Variants in ADGRE1 observed in about 807,000 individuals in gnomAD.
ADGRE1 encodes adhesion G protein-coupled receptor E1, also known as EGF-like module receptor 1.
Under a neutral mutation model 102.7 loss-of-function variants are expected in ADGRE1, and 82 were observed. The observed-to-expected ratio is 0.80, with a 90% CI of 0.67 to 0.96. The LOEUF (loss-of-function observed/expected upper bound fraction) is 0.96, where lower values mean the gene tolerates loss of function less well. Among genes scored for constraint, ADGRE1 ranks in the 40% least tolerant of loss-of-function variants. The pLI, the probability that ADGRE1 is intolerant of heterozygous loss-of-function variation, is 0.00. For synonymous variants in ADGRE1, 398 were observed against 399.6 expected (o/e 1.00, Z 0.05); for missense variants, 1,032 against 1,085.3 (o/e 0.95, Z 0.69).
At chr19:6,897,071 C>CTT (rs11397719) in intron 3 of ADGRE1, 78 bp from the exon 4 acceptor site, 44,263 of 769,194 alleles carry the variant, frequency 0.058, 1,861 homozygotes, top group African/African-American at 0.25. Flanking sequence ...ATTGTTTTAA[C>CTT]TTTTTTTTTT....
At chr19:6,918,037 A>C (rs532002181) in intron 12 of ADGRE1, among the ~76,000 whole-genome samples, 1 of 152,282 alleles carries the variant, frequency 6.6e-6, no homozygotes, top group South Asian at 2.1e-4. Flanking sequence ...GACAGGTTCA[A>C]GGCACATTAA....
At chr19:6,896,605 G>T (rs917982723) in intron 3 of ADGRE1, 64 bp downstream of exon 3, 1 of 1,566,142 alleles carries the variant, frequency 6.4e-7, no homozygotes, top group Non-Finnish European at 8.7e-7. Flanking sequence ...AGCTGGCTGG[G>T]TATTGAATGT....
intron 16 of ADGRE1, among the ~76,000 whole-genome samples, chr19:6,927,443 C>T (rs1974969841): frequency 1.3e-5 from 2 of 152,024 alleles, no homozygotes; most frequent in Admixed American, 6.6e-5. Context: ...CCCAAATTCT[C>T]ATGAAACTCA....
chr19:6,887,627 C>A lies in ADGRE1; in HGVS notation c.19C>A (p.Leu7Ile), dbSNP rs749522542. Reference sequence around the variant, plus strand: ...CAGCATAATGCGTGGCTTCAACCTGCTCCTCTTCTGGGGTGAGTGTGAGGC... The same window carrying A: ...CAGCATAATGCGTGGCTTCAACCTGATCCTCTTCTGGGGTGAGTGTGAGGC... The part of the protein sequence containing the change: MRGFNL[L>I]LFWGCCVMHS... Residue 7 changes from leucine (L) to isoleucine (I), a missense_variant, in exon 1 of 21, where the codon CTC becomes ATC. Coordinates refer to ENST00000312053, the MANE Select transcript of ADGRE1 (RefSeq NM_001974.5). 2 of 1,612,614 alleles carry A rather than the reference C, an allele frequency of 1.2e-6. No individual in the cohort carries two copies. Among genetic ancestry groups the A allele is most frequent in the Non-Finnish European group, 1.7e-6 (2 of 1,179,450 alleles).
In ADGRE1 at chr19:6,897,184, G is replaced by A. The variant is rs112217832; in HGVS notation, c.274G>A (p.Gly92Ser). The A allele has an allele frequency of 1.7e-5, 27 of 1,610,976 alleles. No individual in the cohort carries two copies. The highest frequency in any genetic ancestry group is 2.2e-5 in the Non-Finnish European group (26 of 1,179,566). The change falls in exon 4 of 21, where the codon GGT becomes AGT. Residue 92 changes from glycine to serine, a missense_variant. Gly to Ser is a moderately conservative substitution (Grantham distance 56, BLOSUM62 0). Transcript: ENST00000312053. Reference protein sequence around the residue: ...DECSQSPQPCGPNSSCKNLSG... With the variant: ...DECSQSPQPCSPNSSCKNLSG... ...ATGTTCTCAAAGCCCCCAGCCCTGT[G>A]GTCCTAACTCATCCTGCAAAAACCT...
chr19:6,899,555 C>T (rs145503965), intron 5 of ADGRE1, among the ~76,000 whole-genome samples: 3,010 of 152,054 alleles, frequency 0.02, 101 homozygotes, highest in African/African-American at 0.064. Flanking sequence ...TGGCAGGCAC[C>T]TGTAATCCCA....
At chr19:6,910,567 A>ACT (rs1295954443) in intron 10 of ADGRE1, among the ~76,000 whole-genome samples, 8 of 94,924 alleles carry the variant, frequency 8.4e-5, no homozygotes, top group Non-Finnish European at 1.6e-4. Flanking sequence ...AACTGTTCCA[A>ACT]CTCTTTTTTT....
intron 6 of ADGRE1, among the ~76,000 whole-genome samples, chr19:6,902,403 G>T (rs1973796547): frequency 6.6e-6 from 1 of 151,824 alleles, no homozygotes. Context: ...CTTTTTGTTT[G>T]TTTGTTTGTT....
intron 5 of ADGRE1, chr19:6,898,367 T>C (rs1253688292): frequency 6.3e-7 from 1 of 1,598,842 alleles, no homozygotes; most frequent in Non-Finnish European, 8.6e-7. Context: ...TGCAAAAACA[T>C]GTCAGGGAGG....
rs1795798459 is a variant in ADGRE1, at chr19:6,919,447, T to TGTGTGTGTGTGC, written c.1421-90_1421-89insCGTGTGTGTGTG. 8 of 274,860 alleles carry TGTGTGTGTGTGC rather than the reference T, an allele frequency of 2.9e-5. No individual in the cohort carries two copies. In the African/African-American group the frequency reaches 3.7e-4, roughly 13 times the overall value. The allele number at this position is 274,860 out of a possible 1,614,324, so 17.0% of individuals were successfully genotyped here. On this transcript the variant is annotated intron_variant, in intron 12 of 20. Coordinates refer to ENST00000312053, the MANE Select transcript of ADGRE1 (RefSeq NM_001974.5). ...CTCTCTCCCCCTCCCTCCCTCTGTG[T>TGTGTGTGTGTGC]GTGTGTGTGTGTGTGTGTGTGTGTG...
chr19:6,932,958 T>C (rs1013915249), intron 17 of ADGRE1, among the ~76,000 whole-genome samples: 5 of 152,220 alleles, frequency 3.3e-5, no homozygotes, highest in African/African-American at 4.8e-5. Context: ...TGGTGGCTCA[T>C]GCCTGTAATC....
intron 17 of ADGRE1, among the ~76,000 whole-genome samples, chr19:6,929,753 T>C (rs1975067245): frequency 6.6e-6 from 1 of 152,140 alleles, no homozygotes. Context: ...ACTCCTGACC[T>C]CACGTAGTTT....
intron 1 of ADGRE1, 83 bp downstream of exon 1, chr19:6,887,722 C>G (rs898460875): frequency 1.4e-5 from 20 of 1,458,258 alleles, no homozygotes; most frequent in Admixed American, 4.3e-5. Context: ...CATGGATGGT[C>G]CAGCCAAGAG....
At chr19:6,919,462 GT>G in intron 12 of ADGRE1, 85 bp from the exon 13 acceptor site, 1 of 732,984 alleles carries the variant, frequency 1.4e-6, no homozygotes, top group Non-Finnish European at 2.3e-6. Flanking sequence ...GTGTGTGTGT[GT>G]GTGTGTGTGT....
chr19:6,924,807 C>T lies in ADGRE1; in HGVS notation c.1921C>T (p.Leu641Phe). ...TCACAACACCTACCTCCACCTGCAC[C>T]TCTGCGTGTGTCTCCTCTTGGCGAA... ...RNHNTYLHLH[L>F]CVCLLLAKTL... Residue 641 changes from leucine (L) to phenylalanine (F), a missense_variant, in exon 15 of 21, where the codon CTC becomes TTC. Coordinates refer to ENST00000312053, the MANE Select transcript of ADGRE1 (RefSeq NM_001974.5). 5 of 1,614,182 alleles carry T rather than the reference C, an allele frequency of 3.1e-6. No homozygotes were observed. Among genetic ancestry groups the T allele is most frequent in the Non-Finnish European group, 4.2e-6 (5 of 1,180,042 alleles).
intron 5 of ADGRE1, chr19:6,898,236 A>T (rs1973639544): frequency 4.3e-5 from 58 of 1,350,564 alleles, no homozygotes; most frequent in Non-Finnish European, 5.7e-5. Flanking sequence ...TATTGTTTTA[A>T]CTTTTTTTTT....
chr19:6,891,646 G>A (rs1973380177), intron 2 of ADGRE1, among the ~76,000 whole-genome samples: 1 of 151,840 alleles, frequency 6.6e-6, no homozygotes, highest in African/African-American at 2.4e-5. Flanking sequence ...AGTAGAGACG[G>A]GGTTTCACTA....
Position 6,904,191 on chromosome 19 carries a change from C to A in ADGRE1, c.949+9C>A. Reference sequence around the variant, plus strand: ...CAACTTCAGCTGCCAAAGTAATAATCTCTTTGTATGTCTTGGCAATGGAAT... The same window carrying A: ...CAACTTCAGCTGCCAAAGTAATAATATCTTTGTATGTCTTGGCAATGGAAT... On this transcript the variant is annotated intron_variant, in intron 8 of 20. Coordinates refer to ENST00000312053, the MANE Select transcript of ADGRE1 (RefSeq NM_001974.5). The A allele has an allele frequency of 1.2e-6, 2 of 1,613,390 alleles. No individual in the cohort carries two copies. The highest frequency in any genetic ancestry group is 1.3e-5 in the African/African-American group (1 of 75,030).
chr19:6,939,255 T>A (rs1975570927), intron 20 of ADGRE1, among the ~76,000 whole-genome samples: 1 of 152,154 alleles, frequency 6.6e-6, no homozygotes. Context: ...TACTATAGTT[T>A]TAATGAAAAA....
Sources: gnomAD v4.1 joint callset for allele counts (sites outside exome capture counted in the v4.1 genomes callset) on GRCh38, gnomAD v4.1.1 for gene constraint, MANE v1.5 for transcripts, NCBI Gene and HGNC (gene_info 2026-07-23, HGNC 2026-07-21) for gene names.